Variants in IFIH1 observed in about 807,000 individuals in gnomAD.
The protein encoded by IFIH1 is interferon induced with helicase C domain 1, also known as interferon-induced helicase C domain-containing protein 1.
A neutral mutation model predicts 107.4 loss-of-function variants in IFIH1; 125 were observed. The observed-to-expected ratio is 1.16, with a 90% CI of 1.01 to 1.35. The LOEUF (loss-of-function observed/expected upper bound fraction) is 1.35, where lower values mean the gene tolerates loss of function less well. IFIH1 is among the 40% of genes most tolerant of loss of function. IFIH1 has a pLI of 0.00. For missense variants in IFIH1, 1,333 were observed against 1,213.7 expected (o/e 1.10, Z -1.46); for synonymous variants, 458 against 413.2 (o/e 1.11, Z -1.31).
Position 162,267,510 on chromosome 2 carries a change from A to G in IFIH1, c.2867T>C (p.Ile956Thr), listed in dbSNP as rs761313801. 29 of 1,613,908 alleles carry G rather than the reference A, an allele frequency of 1.8e-5. No homozygotes were observed. Among genetic ancestry groups the G allele is most frequent in the Non-Finnish European group, 2.3e-5 (27 of 1,179,864 alleles). Residue 956 changes from isoleucine to threonine, a missense_variant, in exon 15 of 16, where the codon ATA becomes ACA. Coordinates refer to ENST00000649979, the MANE Select transcript of IFIH1 (RefSeq NM_022168.4). ...ALQKKCADYQ[I>T]NGEIICKCGQ... ...ACATTTGCAGATGATTTCACCATTT[A>G]TTTGATAGTCGGCACACTTCTTTTG... is the stretch of plus-strand genomic sequence containing the variant.
At chr2:162,290,605 T>C (rs1034331433) in intron 4 of IFIH1, among the ~76,000 whole-genome samples, 3 of 151,912 alleles carry the variant, frequency 2.0e-5, no homozygotes, top group East Asian at 1.9e-4. Flanking sequence ...CTCAATAATA[T>C]AGTTGTTGTC....
rs562435090 is a variant in IFIH1 at position 162,290,281 on chromosome 2, C to A, written c.875-1926G>T. On this transcript the variant is annotated intron_variant, in intron 4 of 15. Transcript: ENST00000649979. Reference sequence around the variant, plus strand: ...AAGAGTACATTTTAATAATAATTTCCCCCATTTTTCATGCTTACTACTATA... The same window carrying A: ...AAGAGTACATTTTAATAATAATTTCACCCATTTTTCATGCTTACTACTATA... Among the ~76,000 whole-genome samples the A allele has an allele frequency of 7.9e-5, 12 of 151,352 alleles. No individual in the cohort carries two copies. In the South Asian group the frequency reaches 8.4e-4, roughly 11 times the overall value.
chr2:162,292,888 A>G (rs1458062357), intron 4 of IFIH1, among the ~76,000 whole-genome samples: 6 of 151,684 alleles, frequency 4.0e-5, no homozygotes, highest in Non-Finnish European at 7.4e-5. Flanking sequence ...TATACACTCA[A>G]AGAAAAGAAA....
rs1691097845 is a variant in IFIH1, at chr2:162,273,976, T to G, written c.2305-32A>C. The G allele has an allele frequency of 2.0e-6, 3 of 1,469,056 alleles. No homozygotes were observed. The South Asian group carries it at 3.5e-5, about 17-fold the overall frequency. The allele number at this position is 1,469,056 out of a possible 1,614,324, so 91.0% of individuals were successfully genotyped here. On this transcript the variant is annotated intron_variant, in intron 11 of 15. Transcript: ENST00000649979. ...AAACATTTTAATAAATTAAATTTTG[T>G]GATGCTAAACACATTAAAATCTTCT...
intron 5 of IFIH1, among the ~76,000 whole-genome samples, chr2:162,287,444 A>T (rs930168485): frequency 6.6e-5 from 10 of 151,894 alleles, no homozygotes; most frequent in African/African-American, 2.4e-4. Context: ...TCAAATGACT[A>T]GATTTTGTTT....
intron 3 of IFIH1, among the ~76,000 whole-genome samples, chr2:162,305,580 A>C (rs1683267801): frequency 6.6e-6 from 1 of 152,074 alleles, no homozygotes; most frequent in Non-Finnish European, 1.5e-5. Context: ...CAAAAATAAA[A>C]TAAAATAAAA....
chr2:162,272,698 C>T lies in IFIH1; in HGVS notation c.2455-311G>A, dbSNP rs13418892. Among the ~76,000 whole-genome samples the T allele has an allele frequency of 0.049, 7,520 of 152,176 alleles. 668 individuals carry two copies. Among genetic ancestry groups the T allele is most frequent in the African/African-American group, 0.17 (7,129 of 41,476 alleles). ...CTTCTCTCTCAAACTATGAGAACCA[C>T]GATCAATGACTTGGACTGAGGAGTC... is the stretch of plus-strand genomic sequence containing the variant. On this transcript the variant is annotated intron_variant, in intron 12 of 15. Transcript: ENST00000649979.
Position 162,282,457 on chromosome 2 carries a change from C to G in IFIH1, c.1215G>C (p.Lys405Asn). 6 of 1,611,524 alleles carry G rather than the reference C, an allele frequency of 3.7e-6. No homozygotes were observed. The highest frequency in any genetic ancestry group is 5.1e-6 in the Non-Finnish European group (6 of 1,178,274). Residue 405 changes from lysine to asparagine, a missense_variant, in exon 6 of 16, where the codon AAG becomes AAC. By Grantham distance (94) the Lys-to-Asn change is moderately conservative. Transcript: ENST00000649979. ...QLKISFPEVV[K>N]SCDIIISTAQ... ...CTGTACTGATAATAATATCACAGGA[C>G]TTGACAACTTCTGGAAATGATATTT...
chr2:162,277,428 C>A lies in IFIH1; in HGVS notation c.2031G>T (p.Met677Ile). The stretch of plus-strand genomic sequence containing the variant: ...TTTGAATCTTACCAAAAAATAAAGT[C>A]ATGAGAAATCTATCTGTTTCATCCA... ...LKLDETDRFL[M>I]TLFFENNKML... Residue 677 changes from methionine (M) to isoleucine (I), a missense_variant, in exon 10 of 16, where the codon ATG becomes ATT. Met to Ile is a conservative substitution (Grantham distance 10). Coordinates refer to ENST00000649979, the MANE Select transcript of IFIH1 (RefSeq NM_022168.4). The A allele has an allele frequency of 1.9e-6, 3 of 1,607,966 alleles. No individual in the cohort carries two copies. The highest frequency in any genetic ancestry group is 2.2e-5 in the South Asian group (2 of 90,482).
chr2:162,273,869 C>T lies in IFIH1; in HGVS notation c.2380G>A (p.Glu794Lys). Residue 794 changes from glutamate to lysine, a missense_variant, in exon 12 of 16, where the codon GAA becomes AAA. Physicochemically the swap from Glu to Lys is moderately conservative, Grantham distance 56. Coordinates refer to ENST00000649979, the MANE Select transcript of IFIH1 (RefSeq NM_022168.4). Reference sequence around the variant, plus strand: ...TTACATTCTTTAATATCCAGACCTTCTTCTGCCACTGTGGTAGCGATAAGC... The same window carrying T: ...TTACATTCTTTAATATCCAGACCTTTTTCTGCCACTGTGGTAGCGATAAGC... ...NLLIATTVAE[E>K]GLDIKECNIV... 1 of 1,610,730 alleles carries T rather than the reference C, an allele frequency of 6.2e-7. No homozygotes were observed.
At chr2:162,277,760 C>T (rs1682726316) in intron 9 of IFIH1, 67 bp from the exon 10 acceptor site, 2 of 1,511,922 alleles carry the variant, frequency 1.3e-6, no homozygotes, top group Non-Finnish European at 1.8e-6. Context: ...GTGCCATGGA[C>T]TTGAATATAT....
chr2:162,269,258 G>C (rs1049546875), intron 13 of IFIH1, among the ~76,000 whole-genome samples: 9 of 152,136 alleles, frequency 5.9e-5, no homozygotes, highest in Non-Finnish European at 1.3e-4. Flanking sequence ...TTAGATAGCT[G>C]GCATGTGTAC....
chr2:162,282,625 C>T lies in IFIH1; in HGVS notation c.1096-49G>A, dbSNP rs74162080. 1.1e-3 allele frequency: 1,451 copies of T among 1,284,464 alleles called. 2 individuals are homozygous for T. Among genetic ancestry groups the T allele is most frequent in the Non-Finnish European group, 1.5e-3 (1,369 of 913,994 alleles). 79.6% of individuals were successfully genotyped at this position (1,284,464 alleles called of 1,614,324 possible). A position where few individuals can be genotyped will look rare whatever the true frequency, so the allele number is the denominator to read the frequency against. On this transcript the variant is annotated intron_variant, in intron 5 of 15. Transcript: ENST00000649979. ...TAAAAGAGAGAAAGTTAGTCGAAGCCAAAAGAGTGTTGATCAAAGGCCTGT... is the reference window on the plus strand; with the variant it reads ...TAAAAGAGAGAAAGTTAGTCGAAGCTAAAAGAGTGTTGATCAAAGGCCTGT...
At chr2:162,312,014 T>C (rs1683392077) in intron 1 of IFIH1, among the ~76,000 whole-genome samples, 1 of 152,200 alleles carries the variant, frequency 6.6e-6, no homozygotes. Context: ...TCTATCAGCC[T>C]CCCAGATAAG....
In IFIH1 at chr2:162,317,855, C is replaced by CCGG; in HGVS notation, c.450_452dup (p.Arg151dup). ...TAGCTCCATCTGAACAGACACCTACCCGGTTTCTGTCTTCAATTGTCAACA... is the reference window on the plus strand; with the variant it reads ...TAGCTCCATCTGAACAGACACCTACCCGGCGGTTTCTGTCTTCAATTGTCAACA... On this transcript the variant is annotated inframe_insertion and splice_region_variant, in exon 1 of 16. Coordinates refer to ENST00000649979, the MANE Select transcript of IFIH1 (RefSeq NM_022168.4). 3 of 1,566,998 alleles carry CCGG rather than the reference C, an allele frequency of 1.9e-6. No homozygotes were observed.
intron 1 of IFIH1, among the ~76,000 whole-genome samples, chr2:162,312,248 A>C (rs1683395867): frequency 6.6e-6 from 1 of 152,180 alleles, no homozygotes; most frequent in African/African-American, 2.4e-5. Context: ...AGTTATTGTT[A>C]CAAACACCTC....
intron 3 of IFIH1, among the ~76,000 whole-genome samples, chr2:162,300,977 AAAC>A (rs1683184513): frequency 6.6e-6 from 1 of 152,166 alleles, no homozygotes; most frequent in South Asian, 2.1e-4. Flanking sequence ...AGGCAAAACA[AAAC>A]AACAACAAAA....
At chr2:162,270,236 A>T (rs540315023) in intron 13 of IFIH1, among the ~76,000 whole-genome samples, 1 of 152,362 alleles carries the variant, frequency 6.6e-6, no homozygotes, top group East Asian at 1.9e-4. Flanking sequence ...TAGCAAAAAA[A>T]TTGAATCAAT....
Position 162,282,458 on chromosome 2 carries a change from T to C in IFIH1, c.1214A>G (p.Lys405Arg). Residue 405 changes from lysine (K) to arginine (R), a missense_variant, in exon 6 of 16, where the codon AAG (lysine) becomes AGG (arginine). By Grantham distance (26) the Lys-to-Arg change is conservative. Coordinates refer to ENST00000649979, the MANE Select transcript of IFIH1 (RefSeq NM_022168.4). ...QLKISFPEVV[K>R]SCDIIISTAQ... ...TGTACTGATAATAATATCACAGGAC[T>C]TGACAACTTCTGGAAATGATATTTT... The C allele has an allele frequency of 1.2e-6, 2 of 1,611,734 alleles. No individual in the cohort carries two copies. The highest frequency in any genetic ancestry group is 1.3e-5 in the African/African-American group (1 of 74,900).
Sources: gnomAD v4.1 joint callset for allele counts (sites outside exome capture counted in the v4.1 genomes callset) on GRCh38, gnomAD v4.1.1 for gene constraint, MANE v1.5 for transcripts, NCBI Gene and HGNC (gene_info 2026-07-23, HGNC 2026-07-21) for gene names.